Variants in CNTN4 observed in about 807,000 individuals in gnomAD.
CNTN4 encodes contactin-4.
A neutral mutation model predicts 122.5 loss-of-function variants in CNTN4; 77 were observed. That is an observed-to-expected ratio of 0.63 (90% CI 0.52 to 0.76). The LOEUF (loss-of-function observed/expected upper bound fraction) is 0.76. Among genes scored for constraint, CNTN4 ranks in the 30% least tolerant of loss-of-function variants. The pLI is 0.00. For synonymous variants in CNTN4, 512 were observed against 447.0 expected, an observed-to-expected ratio of 1.15 and a Z score of -1.83; for missense variants, 1,256 against 1,259.1, an observed-to-expected ratio of 1.00 and a Z score of 0.04.
At chr3:2,419,729 G>A (rs1306636070) in intron 3 of CNTN4, among the ~76,000 whole-genome samples, 2 of 152,128 alleles carry the variant, frequency 1.3e-5, no homozygotes, top group Non-Finnish European at 2.9e-5. Context: ...AAGGAAACCT[G>A]TAGAAAACCA....
At chr3:2,775,900 G>T (rs2149805055) in intron 6 of CNTN4, among the ~76,000 whole-genome samples, 1 of 152,244 alleles carries the variant, frequency 6.6e-6, no homozygotes, top group East Asian at 1.9e-4. Context: ...CCAACACCTA[G>T]CATTGGACCT....
chr3:2,814,827 C>T (rs779369334), intron 6 of CNTN4, among the ~76,000 whole-genome samples: 21 of 152,154 alleles, frequency 1.4e-4, no homozygotes, highest in Non-Finnish European at 2.5e-4. Flanking sequence ...GCTGTGTCAC[C>T]TATAAATTGG....
chr3:2,752,098 G>T (rs912900348), intron 6 of CNTN4, among the ~76,000 whole-genome samples: 1 of 151,352 alleles, frequency 6.6e-6, no homozygotes, highest in Admixed American at 6.6e-5. Context: ...TTTTTTGTCT[G>T]TTCTCTCTTC....
At chr3:2,347,685 CAAGCG>C (rs386657490) in intron 3 of CNTN4, among the ~76,000 whole-genome samples, 55,253 of 151,554 alleles carry the variant, frequency 0.36, 10,386 homozygotes, top group African/African-American at 0.44. Context: ...GCTGGAATTA[CAAGCG>C]TGAGCCACCA....
At chr3:2,239,016 T>C (rs1178527) in intron 2 of CNTN4, 126,398 of 150,674 alleles carry the variant, frequency 0.84, 53,354 homozygotes, top group African/African-American at 0.91. Context: ...TGAGCCACCG[T>C]GCCCGGCCTG....
At chr3:2,546,703 A>G (rs2078260568) in intron 3 of CNTN4, among the ~76,000 whole-genome samples, 1 of 152,178 alleles carries the variant, frequency 6.6e-6, no homozygotes, top group African/African-American at 2.4e-5. Context: ...TAAGAGACAA[A>G]TATCAGTTCA....
chr3:2,715,073 T>C (rs1037894924), intron 4 of CNTN4, among the ~76,000 whole-genome samples: 12 of 152,354 alleles, frequency 7.9e-5, no homozygotes, highest in Non-Finnish European at 7.3e-5. Flanking sequence ...TTGATATCTC[T>C]TGTTTTTATC....
intron 10 of CNTN4, among the ~76,000 whole-genome samples, 189 bp from the exon 11 acceptor site, chr3:2,900,496 A>C (rs2094161494): frequency 6.6e-6 from 1 of 152,204 alleles, no homozygotes; most frequent in Non-Finnish European, 1.5e-5. Flanking sequence ...CTACAATATG[A>C]ACCACAAAAA....
chr3:3,009,322 G>A (rs888144469), intron 14 of CNTN4, among the ~76,000 whole-genome samples: 10 of 152,140 alleles, frequency 6.6e-5, no homozygotes, highest in African/African-American at 2.2e-4. Context: ...TCTAGTATCT[G>A]AATGTTCCTT....
At chr3:2,578,457 T>G (rs1198895722) in intron 4 of CNTN4, among the ~76,000 whole-genome samples, 2 of 152,214 alleles carry the variant, frequency 1.3e-5, no homozygotes, top group Non-Finnish European at 2.9e-5. Flanking sequence ...TTTCAAGGCT[T>G]GACCTCACTG....
At position 2,841,663 on chromosome 3, in the gene CNTN4, T is replaced by G. The variant is rs1284677097; in HGVS notation, c.454+22082T>G. Among the ~76,000 whole-genome samples the G allele has an allele frequency of 6.6e-6, 1 of 152,330 alleles. No individual in the cohort carries two copies. The highest frequency in any genetic ancestry group is 1.5e-5 in the Non-Finnish European group (1 of 68,024). On this transcript the variant is annotated intron_variant, in intron 7 of 24. Coordinates refer to ENST00000418658, the MANE Select transcript of CNTN4 (RefSeq NM_175607.3). The surrounding 1 kb of genome is among the most constrained non-coding windows in gnomAD (Gnocchi z 4.8). ...TGTGGGTCAGAGGCTCTTTGTTATATGGTAGAAGTATAGTCCGTAAGGAAT... is the reference window on the plus strand; with the variant it reads ...TGTGGGTCAGAGGCTCTTTGTTATAGGGTAGAAGTATAGTCCGTAAGGAAT...
chr3:2,190,833 C>G (rs1239931312), intron 2 of CNTN4, among the ~76,000 whole-genome samples: 49 of 147,670 alleles, frequency 3.3e-4, no homozygotes, highest in Admixed American at 3.2e-3. Context: ...CACACACACA[C>G]ATACACACAC....
At chr3:2,401,653 A>G (rs2046864428) in intron 3 of CNTN4, among the ~76,000 whole-genome samples, 1 of 152,166 alleles carries the variant, frequency 6.6e-6, no homozygotes, top group African/African-American at 2.4e-5. Context: ...GAAAGAAGGA[A>G]GAATTATTTC....
At chr3:2,853,593 C>A (rs2093582915) in intron 7 of CNTN4, among the ~76,000 whole-genome samples, 1 of 152,002 alleles carries the variant, frequency 6.6e-6, no homozygotes. Flanking sequence ...AATATTTCTT[C>A]TGAGTAGATT....
intron 3 of CNTN4, among the ~76,000 whole-genome samples, chr3:2,456,450 A>G (rs1336019042): frequency 6.6e-6 from 1 of 152,124 alleles, no homozygotes; most frequent in East Asian, 1.9e-4. Flanking sequence ...CATCATCTCT[A>G]TTAGTCCTAA....
chr3:2,343,726 C>A (rs1392524858), intron 3 of CNTN4, among the ~76,000 whole-genome samples: 1 of 152,196 alleles, frequency 6.6e-6, no homozygotes, highest in Non-Finnish European at 1.5e-5. Flanking sequence ...ACCTGGACAA[C>A]TCATAGTCAA....
chr3:3,048,211 T>C (rs1293230912), intron 23 of CNTN4, among the ~76,000 whole-genome samples: 1 of 149,478 alleles, frequency 6.7e-6, no homozygotes, highest in Non-Finnish European at 1.5e-5. Flanking sequence ...TACTCTCAAA[T>C]GTGGATCAAA....
At position 2,462,995 on chromosome 3, in the gene CNTN4, A is replaced by G. The variant is rs550824594; in HGVS notation, c.-88-108421A>G. Reference sequence around the variant, plus strand: ...CAGCACATCTCATTTTGGAAAAGCTATAACAATGTTTCTGAGACTTACCAT... The same window carrying G: ...CAGCACATCTCATTTTGGAAAAGCTGTAACAATGTTTCTGAGACTTACCAT... On this transcript the variant is annotated intron_variant, in intron 3 of 24. Transcript: ENST00000418658. Among the ~76,000 whole-genome samples, 6 of 152,336 alleles carry G rather than the reference A, an allele frequency of 3.9e-5. 1 individual carries two copies. The South Asian group carries it at 6.2e-4, about 16-fold the overall frequency.
At chr3:2,454,803 C>G (rs1452809557) in intron 3 of CNTN4, among the ~76,000 whole-genome samples, 1 of 152,026 alleles carries the variant, frequency 6.6e-6, no homozygotes, top group Non-Finnish European at 1.5e-5. Context: ...GATTGAACGG[C>G]TGAATACCTG....
Sources: gnomAD v4.1 joint callset for allele counts (sites outside exome capture counted in the v4.1 genomes callset) on GRCh38, gnomAD v4.1.1 for gene constraint, Gnocchi (gnomAD v3.1) non-coding constraint, MANE v1.5 for transcripts, NCBI Gene and HGNC (gene_info 2026-07-23, HGNC 2026-07-21) for gene names.